The following TMEM164 variants were observed in gnomAD, a reference collection of about 807,000 sequenced individuals.
TMEM164 encodes transmembrane protein 164, also known as RP13-360B22.2.
TMEM164 carries 4 observed loss-of-function variants against 18.8 expected under a neutral mutation model. The observed-to-expected ratio is 0.21, with a 90% CI of 0.10 to 0.49. The LOEUF is 0.49. Ranked by LOEUF, TMEM164 falls within the 20% of genes least tolerant of loss-of-function variation. TMEM164 has a pLI of 0.98. For synonymous variants in TMEM164, 86 were observed against 101.7 expected (o/e 0.85, Z 0.93); for missense variants, 108 against 239.9 (o/e 0.45, Z 3.63).
intron 2 of TMEM164, among the ~76,000 whole-genome samples, chrX:110,022,199 A>ATGTGTGTGTGTGTG (rs754713777): frequency 4.6e-5 from 5 of 107,611 alleles, no homozygotes; most frequent in African/African-American, 1.7e-4. Flanking sequence ...ACCACTAGAA[A>ATGTGTGTGTGTGTG]TGTGTGTGTG....
rs750531651 is a variant in TMEM164 at position 110,071,372 on chromosome X, G to A, written c.440+3976G>A. Reference sequence around the variant, plus strand: ...CTTTTTCTACATCTATTGGTCATGTGGGATTTTTTCATTTAAATTTTTGAT... The same window carrying A: ...CTTTTTCTACATCTATTGGTCATGTAGGATTTTTTCATTTAAATTTTTGAT... On this transcript the variant is annotated intron_variant, in intron 3 of 6. Transcript: ENST00000372068. 1.5e-4 allele frequency among the ~76,000 whole-genome samples: 16 copies of A among 109,341 alleles called. No individual in the cohort carries two copies. The East Asian group carries it at 2.5e-3, about 17-fold the overall frequency. 94.9% of individuals were successfully genotyped at this position (109,341 alleles called of 115,157 possible). A position where few individuals can be genotyped will look rare whatever the true frequency, so the allele number is the denominator to read the frequency against.
chrX:110,057,878 A>G (rs1315459632), intron 2 of TMEM164, among the ~76,000 whole-genome samples: 1 of 111,900 alleles, frequency 8.9e-6, no homozygotes, highest in Non-Finnish European at 1.9e-5. Context: ...AGTTCTTTAC[A>G]TATTTTAAAT....
intron 4 of TMEM164, among the ~76,000 whole-genome samples, chrX:110,120,194 C>T (rs1264746482): frequency 8.9e-6 from 1 of 112,447 alleles, no homozygotes; most frequent in African/African-American, 3.2e-5. Context: ...GCCTGTTTGC[C>T]TCCAGAGCTT....
chrX:110,079,025 G>A (rs767751169), intron 3 of TMEM164, among the ~76,000 whole-genome samples: 1 of 111,638 alleles, frequency 9.0e-6, no homozygotes, highest in Admixed American at 9.5e-5. Context: ...TACTGGGAAT[G>A]TAACTGTCAA....
chrX:110,054,446 G>A (rs767977999), intron 2 of TMEM164, among the ~76,000 whole-genome samples: 8 of 112,279 alleles, frequency 7.1e-5, no homozygotes, highest in African/African-American at 2.6e-4. Flanking sequence ...CAGAAGAAGT[G>A]GAATGAAATA....
chrX:110,084,603 T>G (rs2065825210), intron 3 of TMEM164, among the ~76,000 whole-genome samples: 1 of 103,292 alleles, frequency 9.7e-6, no homozygotes, highest in Non-Finnish European at 2.0e-5. Flanking sequence ...ATTGTGCCAC[T>G]GCACTCAGCC....
intron 4 of TMEM164, among the ~76,000 whole-genome samples, chrX:110,144,512 G>A (rs946821): frequency 9.1e-6 from 1 of 110,366 alleles, no homozygotes; most frequent in Non-Finnish European, 1.9e-5. Context: ...AAACCACCAA[G>A]GGGATATATT....
intron 5 of TMEM164, among the ~76,000 whole-genome samples, chrX:110,168,631 G>A (rs2067189640): frequency 8.9e-6 from 1 of 112,776 alleles, no homozygotes; most frequent in African/African-American, 3.2e-5. Context: ...TGAGCCTAAA[G>A]CAAGCCTGAG....
At chrX:110,084,400 A>G (rs1277144220) in intron 3 of TMEM164, among the ~76,000 whole-genome samples, 4 of 56,065 alleles carry the variant, frequency 7.1e-5, no homozygotes, top group Non-Finnish European at 1.2e-4. Context: ...ATAGTATAGT[A>G]TATATATATA....
At chrX:110,053,709 A>C (rs920367762) in intron 2 of TMEM164, among the ~76,000 whole-genome samples, 1 of 111,324 alleles carries the variant, frequency 9.0e-6, no homozygotes, top group African/African-American at 3.3e-5. Context: ...CTGTTACTTC[A>C]GAGTTTTCTT....
intron 2 of TMEM164, among the ~76,000 whole-genome samples, chrX:110,036,380 A>G (rs1934800356): frequency 9.0e-6 from 1 of 111,408 alleles, no homozygotes; most frequent in Non-Finnish European, 1.9e-5. Context: ...AGCACTGTGT[A>G]CCTCTCTTGT....
intron 4 of TMEM164, among the ~76,000 whole-genome samples, chrX:110,133,562 A>G (rs925996718): frequency 1.2e-4 from 13 of 111,917 alleles, no homozygotes; most frequent in African/African-American, 3.9e-4. Context: ...ATACATTCAC[A>G]TACTGAGGTA....
chrX:110,107,678 C>G (rs1602637579), intron 3 of TMEM164, among the ~76,000 whole-genome samples: 2 of 104,473 alleles, frequency 1.9e-5, no homozygotes, highest in African/African-American at 7.0e-5. Context: ...CTCCCTTCCC[C>G]TCCCCAAGTC....
intron 3 of TMEM164, among the ~76,000 whole-genome samples, chrX:110,087,161 A>G (rs1398266675): frequency 8.9e-6 from 1 of 111,914 alleles, no homozygotes; most frequent in Non-Finnish European, 1.9e-5. Context: ...CAGGACTAGA[A>G]GATCCTAGCA....
At chrX:110,105,717 CACAG>C (rs1181204501) in intron 3 of TMEM164, among the ~76,000 whole-genome samples, 34 of 94,630 alleles carry the variant, frequency 3.6e-4, no homozygotes, top group Non-Finnish European at 5.8e-4. Context: ...CACACACACA[CACAG>C]ACACACACAC....
At chrX:110,034,712 A>G (rs886963292) in intron 2 of TMEM164, among the ~76,000 whole-genome samples, 2 of 107,853 alleles carry the variant, frequency 1.9e-5, no homozygotes, top group African/African-American at 6.8e-5. Flanking sequence ...CAGCCATCCC[A>G]TTACTGGGTA....
chrX:110,019,161 G>T (rs1933654629), intron 2 of TMEM164, among the ~76,000 whole-genome samples: 1 of 111,135 alleles, frequency 9.0e-6, no homozygotes. Flanking sequence ...GGGGGATTTG[G>T]AATGAAACAG....
intron 4 of TMEM164, among the ~76,000 whole-genome samples, chrX:110,138,856 G>A (rs890701140): frequency 2.7e-5 from 3 of 112,011 alleles, no homozygotes; most frequent in African/African-American, 9.7e-5. Flanking sequence ...ACATAAAGAC[G>A]CCATGTGGGC....
intron 2 of TMEM164, among the ~76,000 whole-genome samples, chrX:110,006,374 T>C (rs1932714673): frequency 9.0e-6 from 1 of 110,961 alleles, no homozygotes; most frequent in Non-Finnish European, 1.9e-5. Flanking sequence ...AGCCTTAGGA[T>C]GGGGGCATGG....
Sources: allele counts gnomAD v4.1 joint callset (sites outside exome capture counted in the v4.1 genomes callset), GRCh38; gene constraint gnomAD v4.1.1; transcripts MANE v1.5; gene names NCBI Gene and HGNC (gene_info 2026-07-23, HGNC 2026-07-21).